The following TPM3 variants were observed in gnomAD, a reference collection of about 807,000 sequenced individuals.
TPM3 encodes tropomyosin 3, also known as tropomyosin alpha-3 chain.
In TPM3, 16 loss-of-function variants were observed where a neutral mutation model predicts 43.1. The ratio of observed to expected loss-of-function variants is 0.37; its 90% CI spans 0.25 to 0.56. The LOEUF (loss-of-function observed/expected upper bound fraction) is 0.56, where lower values mean the gene tolerates loss of function less well. Among genes scored for constraint, TPM3 ranks in the 20% least tolerant of loss-of-function variants. The pLI is 0.77. For synonymous variants in TPM3, 101 were observed against 116.9 expected (o/e 0.86, Z 0.88); for missense variants, 176 against 337.2 (o/e 0.52, Z 3.74).
In TPM3 at chr1:154,162,949, T is replaced by C. The variant is rs1660537931; in HGVS notation, c.*4988A>G. ...CCTCAGCCTCTCGAGTAGTTGGGAC[T>C]ACAGGCATGTGCCACCATGTCCAGC... On this transcript the variant is annotated 3_prime_UTR_variant, in exon 10 of 10. Transcript: ENST00000651641. Among the ~76,000 whole-genome samples, 1 of 152,156 alleles carries C rather than the reference T, an allele frequency of 6.6e-6. No homozygotes were observed. Among genetic ancestry groups the C allele is most frequent in the African/African-American group, 2.4e-5 (1 of 41,432 alleles).
chr1:154,160,324 A>G (rs1660217786), downstream of TPM3, among the ~76,000 whole-genome samples: 1 of 152,208 alleles, frequency 6.6e-6, no homozygotes, highest in South Asian at 2.1e-4. Flanking sequence ...TCCTAAAATC[A>G]TCTGCATATG....
chr1:154,176,102 C>G lies in TPM3; in HGVS notation c.377+13G>C. 1 of 1,612,790 alleles carries G rather than the reference C, an allele frequency of 6.2e-7. No homozygotes were observed. Among genetic ancestry groups the G allele is most frequent in the Non-Finnish European group, 8.5e-7 (1 of 1,179,924 alleles). On this transcript the variant is annotated intron_variant, in intron 3 of 9. Coordinates refer to ENST00000651641, the MANE Select transcript of TPM3 (RefSeq NM_152263.4). The stretch of plus-strand genomic sequence containing the variant: ...CTTTTAAAATCCACACTCCATCAGG[C>G]TTCCCTACACACCTCTCACTCTCAT...
rs770260750 is a variant in TPM3 at position 154,171,466 on chromosome 1, C to T, written c.589G>A (p.Glu197Lys). ...AGGTTGTTGGTGACATTCTTCAGCT[C>T]CTCCTCCAGCTCAGAACACTTACTG... ...AESKCSELEEELKNVTNNLKS... is the reference protein window; with the variant it reads ...AESKCSELEEKLKNVTNNLKS... Residue 197 changes from glutamate to lysine, a missense_variant, in exon 6 of 10, where the codon GAG becomes AAG. Around this residue, in one of 4 missense-constraint regions of TPM3, gnomAD observed 53 missense variants for 98.3 expected, o/e 0.54. Coordinates refer to ENST00000651641, the MANE Select transcript of TPM3 (RefSeq NM_152263.4). 4.3e-6 allele frequency: 7 copies of T among 1,614,082 alleles called. No homozygotes were observed. The highest frequency in any genetic ancestry group is 1.7e-5 in the Admixed American group (1 of 60,008).
In TPM3 at chr1:154,167,909, A is replaced by C; in HGVS notation, c.*28T>G. 8 of 1,614,132 alleles carry C rather than the reference A, an allele frequency of 5.0e-6. No individual in the cohort carries two copies. Among genetic ancestry groups the C allele is most frequent in the Non-Finnish European group, 6.8e-6 (8 of 1,179,996 alleles). On this transcript the variant is annotated 3_prime_UTR_variant, in exon 10 of 10. Transcript: ENST00000651641. ...GTTCCCCGAGGAGTAAAGGGGGCAG[A>C]TCCAGAACAGAGCAGAAACGGTGAT...
At chr1:154,160,023 C>CTTTTT, downstream of TPM3, among the ~76,000 whole-genome samples, 1 of 132,304 alleles carries the variant, frequency 7.6e-6, no homozygotes, top group African/African-American at 2.9e-5. Context: ...ACAAATCAGG[C>CTTTTT]TAAAGGACAA....
intron 6 of TPM3, 23 bp downstream of exon 6, chr1:154,171,390 C>G (rs1003241854): frequency 6.2e-7 from 1 of 1,613,868 alleles, no homozygotes; most frequent in Non-Finnish European, 8.5e-7. Flanking sequence ...CAAAGCCTGT[C>G]ACTTTCACAA....
At chr1:154,156,125 G>A (rs1422648766), downstream of TPM3, 5 of 171,950 alleles carry the variant, frequency 2.9e-5, no homozygotes, top group Middle Eastern at 2.3e-3. Flanking sequence ...CCAGCTACTC[G>A]GGAGGCTGAG....
At chr1:154,159,101 G>T, downstream of TPM3, 1 of 777,068 alleles carries the variant, frequency 1.3e-6, no homozygotes, top group South Asian at 1.3e-5. Flanking sequence ...GGAAAAAGAG[G>T]AGGAGAAAGA....
rs1011025958 is a variant in TPM3, at chr1:154,191,735, TGA to T, written c.117+165_117+166del. Reference sequence around the variant, plus strand: ...CTTTCCCAAGGTCACAAAGGCAGTCTGAGACAGATATGTTAGATATCCTCTGC... The same window carrying T: ...CTTTCCCAAGGTCACAAAGGCAGTCTGACAGATATGTTAGATATCCTCTGC... On this transcript the variant is annotated intron_variant, in intron 1 of 9. Coordinates refer to ENST00000651641, the MANE Select transcript of TPM3 (RefSeq NM_152263.4). The T allele has an allele frequency of 5.1e-6, 8 of 1,571,500 alleles. No individual in the cohort carries two copies. In the African/African-American group the frequency reaches 1.1e-4, roughly 21 times the overall value.
Position 154,166,080 on chromosome 1 carries a change from G to A in TPM3, c.*1857C>T, listed in dbSNP as rs1660925558. Among the ~76,000 whole-genome samples, 1 of 152,180 alleles carries A rather than the reference G, an allele frequency of 6.6e-6. No homozygotes were observed. The highest frequency in any genetic ancestry group is 2.4e-5 in the African/African-American group (1 of 41,434). On this transcript the variant is annotated 3_prime_UTR_variant, in exon 10 of 10. Coordinates refer to ENST00000651641, the MANE Select transcript of TPM3 (RefSeq NM_152263.4). The stretch of plus-strand genomic sequence containing the variant: ...CTATACCTAGAAGATACCAGGAAGT[G>A]TCAGCTGAATAAATGAATCTGAACC...
At position 154,169,344 on chromosome 1, in the gene TPM3, C is replaced by T. The variant is rs772869657; in HGVS notation, c.815G>A (p.Ser272Asn). 3 of 1,614,084 alleles carry T rather than the reference C, an allele frequency of 1.9e-6. No homozygotes were observed. In the Admixed American group the frequency reaches 5.0e-5, roughly 27 times the overall value. Reference sequence around the variant, plus strand: ...ATTGAGGGCGTGGTCCAGCTCCTCGCTAATGGCCTTGTACTTCAGTTTCTG... The same window carrying T: ...ATTGAGGGCGTGGTCCAGCTCCTCGTTAATGGCCTTGTACTTCAGTTTCTG... The part of the protein sequence containing the change: ...YAQKLKYKAI[S>N]EELDHALNDM... Residue 272 changes from serine (S) to asparagine (N), a missense_variant, in exon 9 of 10, where the codon AGC becomes AAC. Ser to Asn is a conservative substitution (Grantham distance 46). This residue lies in a region of TPM3 where 26 missense variants were observed against 21.8 expected (regional missense o/e 1.19). Transcript: ENST00000651641.
downstream of TPM3, chr1:154,158,597 A>C (rs1294614188): frequency 8.3e-6 from 3 of 361,706 alleles, no homozygotes; most frequent in African/African-American, 6.2e-5. Flanking sequence ...CCGATGAAGC[A>C]GTTACAACAA....
chr1:154,182,901 C>T, intron 2 of TPM3: 1 of 1,597,996 alleles, frequency 6.3e-7, no homozygotes, highest in Non-Finnish European at 8.5e-7. Flanking sequence ...CTTCAGAGGA[C>T]CGTGCTCCAC....
intron 2 of TPM3, chr1:154,178,037 C>G: frequency 3.2e-6 from 2 of 625,468 alleles, no homozygotes; most frequent in South Asian, 1.4e-4. Context: ...TCCTCACAAA[C>G]CCAACAAGGC....
At chr1:154,156,680 T>G (rs1162691007), downstream of TPM3, 2 of 194,712 alleles carry the variant, frequency 1.0e-5, no homozygotes, top group Non-Finnish European at 2.1e-5. Flanking sequence ...AATATAAAAT[T>G]TAAAAAGTTT....
intron 9 of TPM3, among the ~76,000 whole-genome samples, chr1:154,168,838 CTTT>C (rs745516100): frequency 5.1e-5 from 7 of 138,484 alleles, no homozygotes; most frequent in Admixed American, 7.3e-5. Flanking sequence ...TAATGTTTTT[CTTT>C]TTTTTTTTTT....
At chr1:154,183,973 C>T (rs1663264080) in intron 2 of TPM3, among the ~76,000 whole-genome samples, 2 of 151,150 alleles carry the variant, frequency 1.3e-5, no homozygotes, top group Non-Finnish European at 2.9e-5. Context: ...GAGCCTCCTA[C>T]CTCAGCCTCC....
At position 154,164,053 on chromosome 1, in the gene TPM3, A is replaced by G. The variant is rs1367819113; in HGVS notation, c.*3884T>C. ...TCAACCTCTCTGCCTCACGCCCTAG[A>G]ATTTTGTTTTCACCCAGATACCTGC... On this transcript the variant is annotated 3_prime_UTR_variant, in exon 10 of 10. Transcript: ENST00000651641. Among the ~76,000 whole-genome samples, 3 of 151,832 alleles carry G rather than the reference A, an allele frequency of 2.0e-5. No homozygotes were observed. Among genetic ancestry groups the G allele is most frequent in the Non-Finnish European group, 4.4e-5 (3 of 67,984 alleles).
In TPM3 at chr1:154,164,188, G is replaced by C. The variant is rs79653044; in HGVS notation, c.*3749C>G. Among the ~76,000 whole-genome samples the C allele has an allele frequency of 1.3e-5, 2 of 151,776 alleles. No homozygotes were observed. Among genetic ancestry groups the C allele is most frequent in the East Asian group, 1.9e-4 (1 of 5,186 alleles). On this transcript the variant is annotated 3_prime_UTR_variant, in exon 10 of 10. Coordinates refer to ENST00000651641, the MANE Select transcript of TPM3 (RefSeq NM_152263.4). ...CTTTCCTACTCTTTTTTTGGGGGGG[G>C]TCTCATTCTGCCACCCAGGATGGAG...
Sources: gnomAD v4.1 joint callset for allele counts (sites outside exome capture counted in the v4.1 genomes callset) on GRCh38, gnomAD v4.1.1 for gene constraint, gnomAD v4.1.1 regional missense constraint, MANE v1.5 for transcripts, NCBI Gene and HGNC (gene_info 2026-07-23, HGNC 2026-07-21) for gene names.